The following URB1 variants were observed in gnomAD, a reference collection of about 807,000 sequenced individuals.
The protein encoded by URB1 is URB1 ribosome biogenesis factor.
A neutral mutation model predicts 242.3 loss-of-function variants in URB1; 197 were observed. That is an observed-to-expected ratio of 0.81 (90% CI 0.72 to 0.91). The LOEUF (loss-of-function observed/expected upper bound fraction) is 0.91. Ranked by LOEUF, URB1 falls within the 40% of genes least tolerant of loss-of-function variation. The probability of loss-of-function intolerance (pLI) is 0.00; values close to 1 mark genes in which losing one functional copy is unlikely to be tolerated. For synonymous variants in URB1, 1,153 were observed against 1,201.8 expected (o/e 0.96, Z 0.84); for missense variants, 2,721 against 2,860.5 (o/e 0.95, Z 1.11).
chr21:32,348,039 G>A (rs2033113937), intron 21 of URB1, among the ~76,000 whole-genome samples: 1 of 152,224 alleles, frequency 6.6e-6, no homozygotes, highest in Admixed American at 6.5e-5. Flanking sequence ...AATCGCCTGA[G>A]ACACTCCACC....
chr21:32,380,654 A>G (rs1269906154), intron 4 of URB1, among the ~76,000 whole-genome samples: 2 of 152,238 alleles, frequency 1.3e-5, no homozygotes, highest in Non-Finnish European at 2.9e-5. Flanking sequence ...TCTATGCCTC[A>G]TTGTTCAAAT....
chr21:32,362,129 T>C lies in URB1; in HGVS notation c.1510-108A>G. On this transcript the variant is annotated intron_variant, in intron 11 of 38. Transcript: ENST00000382751. Reference sequence around the variant, plus strand: ...AAAAACAGGGAGGGGGGTGCGAGTCTAGAGGAGTGCGTGTAAGAAGGAGAG... The same window carrying C: ...AAAAACAGGGAGGGGGGTGCGAGTCCAGAGGAGTGCGTGTAAGAAGGAGAG... 3 of 1,372,516 alleles carry C rather than the reference T, an allele frequency of 2.2e-6. No individual in the cohort carries two copies. In the South Asian group the frequency reaches 4.3e-5, roughly 20 times the overall value. 85.0% of individuals were successfully genotyped at this position (1,372,516 alleles called of 1,614,324 possible). A position where few individuals can be genotyped will look rare whatever the true frequency, so the allele number is the denominator to read the frequency against.
rs1275194735 is a variant in URB1, at chr21:32,368,368, T to C, written c.1197+35A>G. The C allele has an allele frequency of 3.3e-6, 5 of 1,497,476 alleles. No homozygotes were observed. The East Asian group carries it at 7.4e-5, about 22-fold the overall frequency. The allele number at this position is 1,497,476 out of a possible 1,614,324, so 92.8% of individuals were successfully genotyped here. A position where few individuals can be genotyped will look rare whatever the true frequency, so the allele number is the denominator to read the frequency against. On this transcript the variant is annotated intron_variant, in intron 9 of 38. Coordinates refer to ENST00000382751, the MANE Select transcript of URB1 (RefSeq NM_014825.3). Reference sequence around the variant, plus strand: ...CAGGCATGAGCCACCACGCCCAGCTTAGCTAACAGACTTTTAAATATCATG... The same window carrying C: ...CAGGCATGAGCCACCACGCCCAGCTCAGCTAACAGACTTTTAAATATCATG...
At chr21:32,341,819 T>C (rs1327355962) in intron 24 of URB1, among the ~76,000 whole-genome samples, 1 of 152,236 alleles carries the variant, frequency 6.6e-6, no homozygotes, top group African/African-American at 2.4e-5. Flanking sequence ...ACTGAGCAGT[T>C]ACTCTTGTTT....
At chr21:32,359,335 T>A (rs898633664) in intron 14 of URB1, among the ~76,000 whole-genome samples, 2 of 152,182 alleles carry the variant, frequency 1.3e-5, no homozygotes, top group Admixed American at 6.5e-5. Flanking sequence ...AAAGTTCTGG[T>A]AGATATTTTA....
rs2032655117 is a variant in URB1, at chr21:32,314,838, T to C, written c.*80A>G. ...TTTCCCATGCCTTCTCTGGAAACCC[T>C]TGACTCAACCAAACTTCTAGAAGCT... On this transcript the variant is annotated 3_prime_UTR_variant, in exon 39 of 39. Coordinates refer to ENST00000382751, the MANE Select transcript of URB1 (RefSeq NM_014825.3). 6.6e-7 allele frequency: 1 copy of C among 1,511,900 alleles called. No homozygotes were observed. The highest frequency in any genetic ancestry group is 8.9e-7 in the Non-Finnish European group (1 of 1,125,570). 93.7% of individuals were successfully genotyped at this position (1,511,900 alleles called of 1,614,324 possible). A position where few individuals can be genotyped will look rare whatever the true frequency, so the allele number is the denominator to read the frequency against.
At chr21:32,320,473 T>C (rs1601119668) in intron 35 of URB1, 58 bp downstream of exon 35, 2 of 1,277,118 alleles carry the variant, frequency 1.6e-6, no homozygotes, top group East Asian at 5.1e-5. Context: ...GCAGACGTCA[T>C]CGTTTCTGTT....
Position 32,390,066 on chromosome 21 carries a change from G to C in URB1, c.142+2703C>G, listed in dbSNP as rs143150623. ...AGGAAGAGAGGAGGAGAGAATCCAA[G>C]ATACAGACCAGATTCAAACACAAGT... On this transcript the variant is annotated intron_variant, in intron 1 of 38. Transcript: ENST00000382751. 4.2e-3 allele frequency among the ~76,000 whole-genome samples: 637 copies of C among 152,294 alleles called. 3 individuals are homozygous for C. Among genetic ancestry groups the C allele is most frequent in the Non-Finnish European group, 7.7e-3 (527 of 68,014 alleles).
At chr21:32,387,581 G>C (rs2033596963) in intron 1 of URB1, among the ~76,000 whole-genome samples, 1 of 134,326 alleles carries the variant, frequency 7.4e-6, no homozygotes, top group African/African-American at 2.8e-5. Context: ...CTTCTGGGGA[G>C]TGAAGACTTC....
intron 19 of URB1, 25 bp downstream of exon 19, chr21:32,352,685 G>T: frequency 1.3e-6 from 2 of 1,549,544 alleles, no homozygotes; most frequent in South Asian, 2.4e-5. Context: ...CAGCAGCAGT[G>T]ACCACAGCTG....
In URB1 at chr21:32,359,282, G is replaced by A. The variant is rs147517251; in HGVS notation, c.1869+514C>T. Among the ~76,000 whole-genome samples, 1,040 of 152,156 alleles carry A rather than the reference G, an allele frequency of 6.8e-3. 13 individuals are homozygous for A. Among genetic ancestry groups the A allele is most frequent in the African/African-American group, 0.024 (1,005 of 41,498 alleles). On this transcript the variant is annotated intron_variant, in intron 14 of 38. Coordinates refer to ENST00000382751, the MANE Select transcript of URB1 (RefSeq NM_014825.3). The stretch of plus-strand genomic sequence containing the variant: ...CTTAAGCCCAGCATAAATATATGTG[G>A]CATCCTGAGCTTCCCTTTATGATTT...
At chr21:32,367,164 A>C (rs2033355530) in intron 9 of URB1, among the ~76,000 whole-genome samples, 1 of 152,218 alleles carries the variant, frequency 6.6e-6, no homozygotes, top group Non-Finnish European at 1.5e-5. Flanking sequence ...GGATAGGCAC[A>C]CTTTACATTA....
chr21:32,361,200 A>AAAGAAAGAAAGAAAGAAAGC, intron 12 of URB1, 77 bp from the exon 13 acceptor site: 1 of 964,536 alleles, frequency 1.0e-6, no homozygotes, highest in Non-Finnish European at 1.5e-6. Context: ...AGAAAGAAAG[A>AAAGAAAGAAAGAAAGAAAGC]AAGAAAATAG....
At chr21:32,349,236 T>G (rs2033127726) in intron 21 of URB1, 68 bp downstream of exon 21, 9 of 1,436,882 alleles carry the variant, frequency 6.3e-6, no homozygotes, top group Non-Finnish European at 8.3e-6. Context: ...TTGTTTTTAA[T>G]CAGAAGTGAA....
intron 32 of URB1, 76 bp downstream of exon 32, chr21:32,324,414 TG>T: frequency 8.3e-7 from 1 of 1,210,042 alleles, no homozygotes; most frequent in Non-Finnish European, 1.2e-6. Flanking sequence ...ACTATACCTG[TG>T]GGACTAATCC....
intron 2 of URB1, among the ~76,000 whole-genome samples, chr21:32,384,974 C>T (rs797019672): frequency 3.3e-5 from 5 of 150,428 alleles, no homozygotes; most frequent in African/African-American, 1.2e-4. Flanking sequence ...GAGTGAGACT[C>T]CGTCTCAAAA....
Position 32,338,045 on chromosome 21 carries a change from A to G in URB1, c.4511-531T>C, listed in dbSNP as rs61711196. ...CCCTTTTAGTTTTTCTACTACCCAT[A>G]CCAGTGATGTGGCTAATGGCTGTCT... On this transcript the variant is annotated intron_variant, in intron 26 of 38. Coordinates refer to ENST00000382751, the MANE Select transcript of URB1 (RefSeq NM_014825.3). Among the ~76,000 whole-genome samples, 658 of 152,190 alleles carry G rather than the reference A, an allele frequency of 4.3e-3. 3 individuals are homozygous for G. Among genetic ancestry groups the G allele is most frequent in the African/African-American group, 0.015 (606 of 41,522 alleles).
chr21:32,387,769 T>TC (rs1470467533), intron 1 of URB1, among the ~76,000 whole-genome samples: 4 of 152,204 alleles, frequency 2.6e-5, no homozygotes, highest in Non-Finnish European at 4.4e-5. Context: ...TGTCTGGGCA[T>TC]CCCTAAGGGG....
intron 11 of URB1, 52 bp downstream of exon 11, chr21:32,363,104 T>C: frequency 1.3e-6 from 2 of 1,521,510 alleles, no homozygotes; most frequent in Non-Finnish European, 1.8e-6. Flanking sequence ...AGAATGGCCT[T>C]TTCCACCTGG....
Sources: allele counts gnomAD v4.1 joint callset (sites outside exome capture counted in the v4.1 genomes callset), GRCh38; gene constraint gnomAD v4.1.1; transcripts MANE v1.5; gene names NCBI Gene and HGNC (gene_info 2026-07-23, HGNC 2026-07-21).